The following CDC42BPA variants were observed in gnomAD, a reference collection of about 807,000 sequenced individuals.
CDC42BPA encodes CDC42 binding protein kinase alpha.
In CDC42BPA, 80 loss-of-function variants were observed where a neutral mutation model predicts 223.5. The ratio of observed to expected loss-of-function variants is 0.36; its 90% CI spans 0.30 to 0.43. CDC42BPA has a LOEUF of 0.43. Among genes scored for constraint, CDC42BPA ranks in the 20% least tolerant of loss-of-function variants. The pLI is 1.00. For synonymous variants in CDC42BPA, 694 were observed against 718.6 expected (o/e 0.97, Z 0.55); for missense variants, 1,743 against 2,099.9 (o/e 0.83, Z 3.32).
At chr1:227,190,755 T>C (rs971707295) in intron 5 of CDC42BPA, among the ~76,000 whole-genome samples, 3 of 152,040 alleles carry the variant, frequency 2.0e-5, no homozygotes, top group African/African-American at 4.8e-5. Context: ...TTGCTGAAAA[T>C]AGTCTATCCA....
At chr1:227,034,936 G>A (rs1669958641) in intron 25 of CDC42BPA, 142 bp from the exon 26 acceptor site, 3 of 611,534 alleles carry the variant, frequency 4.9e-6, no homozygotes, top group Non-Finnish European at 8.0e-6. Flanking sequence ...TAAAGTAGCA[G>A]ATGAGACACA....
chr1:227,057,342 C>T (rs1409769886), intron 21 of CDC42BPA, among the ~76,000 whole-genome samples: 1 of 144,902 alleles, frequency 6.9e-6, no homozygotes, highest in Admixed American at 7.1e-5. Flanking sequence ...TGTAATACTA[C>T]CTCATTCATA....
intron 11 of CDC42BPA, among the ~76,000 whole-genome samples, chr1:227,126,460 C>CAAGA (rs1689614328): frequency 3.2e-5 from 3 of 94,358 alleles, no homozygotes; most frequent in Non-Finnish European, 4.2e-5. Context: ...ACAGGCAGTA[C>CAAGA]AAGAAAGGAA....
At chr1:227,092,319 T>G (rs112984109) in intron 15 of CDC42BPA, among the ~76,000 whole-genome samples, 1 of 151,968 alleles carries the variant, frequency 6.6e-6, no homozygotes, top group Non-Finnish European at 1.5e-5. Flanking sequence ...CAATGAAGAG[T>G]GAGTAAAATG....
intron 2 of CDC42BPA, among the ~76,000 whole-genome samples, chr1:227,247,600 C>T (rs1309398647): frequency 2.6e-5 from 4 of 150,968 alleles, no homozygotes; most frequent in African/African-American, 7.3e-5. Flanking sequence ...TAATTAAAAA[C>T]GGGGCCAGGC....
intron 1 of CDC42BPA, among the ~76,000 whole-genome samples, chr1:227,301,594 G>A (rs1312899220): frequency 6.6e-6 from 1 of 152,108 alleles, no homozygotes; most frequent in South Asian, 2.1e-4. Flanking sequence ...TCTTGACCTC[G>A]TGATCTGCCC....
chr1:227,033,458 T>C (rs187913371), intron 26 of CDC42BPA, 43 bp from the exon 27 acceptor site: 9 of 1,347,872 alleles, frequency 6.7e-6, no homozygotes, highest in Non-Finnish European at 8.5e-6. Context: ...TATGTGGCTA[T>C]GTGTGTGTGG....
chr1:227,014,388 T>C (rs1259294550), intron 34 of CDC42BPA, among the ~76,000 whole-genome samples: 2 of 152,088 alleles, frequency 1.3e-5, no homozygotes, highest in Non-Finnish European at 2.9e-5. Flanking sequence ...CAAAGAAAAG[T>C]ATATTACTAT....
rs777066016 is a variant in CDC42BPA at position 227,051,917 on chromosome 1, T to C, written c.2973A>G (p.Thr991=). The change falls in exon 22 of 37, where the codon ACA becomes ACG. Residue 991 remains threonine (T), a synonymous_variant. Coordinates refer to ENST00000366766, the MANE Select transcript of CDC42BPA (RefSeq NM_001394014.1). The part of the protein sequence containing the change: ...SVKFHIQSRS[T]SPSTSSEAEP... Reference sequence around the variant, plus strand: ...CAGCTTCACTAGATGTGGAAGGAGATGTGGACCGTGACTGGATGTGAAACT... The same window carrying C: ...CAGCTTCACTAGATGTGGAAGGAGACGTGGACCGTGACTGGATGTGAAACT... 1.5e-6 allele frequency: 2 copies of C among 1,366,468 alleles called. No individual in the cohort carries two copies. Among genetic ancestry groups the C allele is most frequent in the Non-Finnish European group, 2.0e-6 (2 of 1,021,800 alleles). The allele number at this position is 1,366,468 out of a possible 1,614,324, so 84.6% of individuals were successfully genotyped here. A position where few individuals can be genotyped will look rare whatever the true frequency, so the allele number is the denominator to read the frequency against.
chr1:227,293,681 C>T (rs1000239018), intron 1 of CDC42BPA, among the ~76,000 whole-genome samples: 1 of 151,978 alleles, frequency 6.6e-6, no homozygotes. Flanking sequence ...CAAAATCAGC[C>T]GGGCATGGTG....
At chr1:227,176,445 A>C (rs1000183004) in intron 5 of CDC42BPA, among the ~76,000 whole-genome samples, 1 of 152,186 alleles carries the variant, frequency 6.6e-6, no homozygotes, top group Non-Finnish European at 1.5e-5. Context: ...CAGTAACTAT[A>C]CTGTCACCAC....
chr1:227,093,544 G>A (rs1462900976), intron 15 of CDC42BPA, among the ~76,000 whole-genome samples: 1 of 152,090 alleles, frequency 6.6e-6, no homozygotes, highest in Non-Finnish European at 1.5e-5. Flanking sequence ...GTCACCAATA[G>A]CTATAAATTA....
chr1:227,297,527 A>C (rs1208694735), intron 1 of CDC42BPA, among the ~76,000 whole-genome samples: 12 of 152,214 alleles, frequency 7.9e-5, no homozygotes, highest in Admixed American at 7.9e-4. Flanking sequence ...AAAAGGTGGA[A>C]ACAACGCAAG....
chr1:227,092,357 T>C (rs893012289), intron 15 of CDC42BPA, among the ~76,000 whole-genome samples: 1 of 152,200 alleles, frequency 6.6e-6, no homozygotes, highest in African/African-American at 2.4e-5. Context: ...AAGTTCTAAA[T>C]TGTATATATA....
intron 1 of CDC42BPA, among the ~76,000 whole-genome samples, chr1:227,315,515 T>A (rs1311107691): frequency 6.6e-6 from 1 of 151,698 alleles, no homozygotes; most frequent in Non-Finnish European, 1.5e-5. Flanking sequence ...TAGAGTGTCA[T>A]TAAGGAACCA....
chr1:227,294,453 T>C (rs1237208975), intron 1 of CDC42BPA, among the ~76,000 whole-genome samples: 1 of 152,148 alleles, frequency 6.6e-6, no homozygotes, highest in Non-Finnish European at 1.5e-5. Context: ...ATTCACTACA[T>C]GTTGGGCACT....
In CDC42BPA at chr1:226,994,068, AGTCT is replaced by A. The variant is rs1661083276; in HGVS notation, c.*196_*199del. 5.6e-6 allele frequency: 3 copies of A among 531,366 alleles called. No individual in the cohort carries two copies. The highest frequency in any genetic ancestry group is 1.0e-5 in the Non-Finnish European group (3 of 298,096). The allele number at this position is 531,366 out of a possible 1,614,324, so 32.9% of individuals were successfully genotyped here. Reference sequence around the variant, plus strand: ...AACGTTAATCTAAGCTGCTACGGAAAGTCTGTCTTTGTTGTTGCTGTTAGGCTGG... The same window carrying A: ...AACGTTAATCTAAGCTGCTACGGAAAGTCTTTGTTGTTGCTGTTAGGCTGG... On this transcript the variant is annotated 3_prime_UTR_variant, in exon 37 of 37. Transcript: ENST00000366766. The surrounding 1 kb of genome is among the most constrained non-coding windows in gnomAD (Gnocchi z 4.0).
intron 2 of CDC42BPA, among the ~76,000 whole-genome samples, chr1:227,243,626 C>A (rs959495163): frequency 6.6e-6 from 1 of 151,968 alleles, no homozygotes; most frequent in Non-Finnish European, 1.5e-5. Context: ...TAGAAAAAAA[C>A]TTCTTAAAAA....
At chr1:227,309,257 T>C (rs1465880296) in intron 1 of CDC42BPA, among the ~76,000 whole-genome samples, 1 of 151,790 alleles carries the variant, frequency 6.6e-6, no homozygotes, top group Non-Finnish European at 1.5e-5. Flanking sequence ...CCCTATATGC[T>C]GTCTGTCTTT....
Sources: gnomAD v4.1 joint callset for allele counts (sites outside exome capture counted in the v4.1 genomes callset) on GRCh38, gnomAD v4.1.1 for gene constraint, Gnocchi (gnomAD v3.1) non-coding constraint, MANE v1.5 for transcripts, NCBI Gene and HGNC (gene_info 2026-07-23, HGNC 2026-07-21) for gene names.